SORCS1: variants seen among roughly 807,000 people sequenced by gnomAD.
The protein encoded by SORCS1 is sortilin related VPS10 domain containing receptor 1, also known as VPS10 domain-containing receptor SorCS1.
SORCS1 carries 60 observed loss-of-function variants against 146.1 expected under a neutral mutation model. That is an observed-to-expected ratio of 0.41 (90% CI 0.33 to 0.51). The LOEUF is 0.51. SORCS1 is among the 20% of genes least tolerant of loss of function. The probability of loss-of-function intolerance (pLI) is 0.21; values close to 1 mark genes in which losing one functional copy is unlikely to be tolerated. For synonymous variants in SORCS1, 637 were observed against 584.0 expected, an observed-to-expected ratio of 1.09 and a Z score of -1.31; for missense variants, 1,352 against 1,487.6, an observed-to-expected ratio of 0.91 and a Z score of 1.50.
intron 4 of SORCS1, among the ~76,000 whole-genome samples, chr10:106,762,994 C>CT (rs1396859317): frequency 6.6e-6 from 1 of 152,048 alleles, no homozygotes; most frequent in Non-Finnish European, 1.5e-5. Context: ...CCTTTGTCTT[C>CT]TTTTTTTTAA....
chr10:107,138,698 T>C (rs2134696769), intron 1 of SORCS1, among the ~76,000 whole-genome samples: 1 of 152,324 alleles, frequency 6.6e-6, no homozygotes, highest in African/African-American at 2.4e-5. Context: ...ATAAGTGCAC[T>C]TCATGTGTAG....
intron 18 of SORCS1, among the ~76,000 whole-genome samples, chr10:106,633,711 A>T (rs1848568010): frequency 1.3e-5 from 2 of 152,332 alleles, no homozygotes; most frequent in South Asian, 4.1e-4. Flanking sequence ...AGAAAATTAT[A>T]TGCACCTTTC....
In SORCS1 at chr10:106,577,284, T is replaced by G. The variant is rs774436050; in HGVS notation, c.*136A>C. On this transcript the variant is annotated 3_prime_UTR_variant, in exon 26 of 26. Transcript: ENST00000263054. ...GATTCTCAGCAACTATGGAAATACT[T>G]CCTGGCAAAATAGGAAACAGAACAA... 5 of 1,607,548 alleles carry G rather than the reference T, an allele frequency of 3.1e-6. No individual in the cohort carries two copies. The highest frequency in any genetic ancestry group is 4.3e-6 in the Non-Finnish European group (5 of 1,176,380).
At chr10:107,081,838 G>C (rs960200355) in intron 1 of SORCS1, among the ~76,000 whole-genome samples, 4 of 152,182 alleles carry the variant, frequency 2.6e-5, no homozygotes, top group African/African-American at 9.7e-5. Context: ...GAAAACCACA[G>C]AGAAGAATTC....
At position 106,791,632 on chromosome 10, in the gene SORCS1, T is replaced by C. The variant is rs183952715; in HGVS notation, c.727-14940A>G. 4.3e-3 allele frequency among the ~76,000 whole-genome samples: 647 copies of C among 152,108 alleles called. 4 individuals are homozygous for C. Among genetic ancestry groups the C allele is most frequent in the African/African-American group, 0.015 (612 of 41,524 alleles). On this transcript the variant is annotated intron_variant, in intron 3 of 25. Coordinates refer to ENST00000263054, the MANE Select transcript of SORCS1 (RefSeq NM_052918.5). ...GAGAATCGCTTGAACCCAGGAGGCA[T>C]AGGTTGCAGTGAGCTGAGATCGGGC...
chr10:106,654,369 A>C (rs971760925), intron 17 of SORCS1, among the ~76,000 whole-genome samples: 1 of 152,198 alleles, frequency 6.6e-6, no homozygotes, highest in Non-Finnish European at 1.5e-5. Flanking sequence ...GACCTAGACA[A>C]TTTGTCTCTA....
intron 1 of SORCS1, among the ~76,000 whole-genome samples, chr10:107,053,862 C>T (rs77932090): frequency 1.1e-3 from 170 of 152,248 alleles, no homozygotes; most frequent in African/African-American, 4.0e-3. Context: ...TTCTGAAATG[C>T]ACATGCCTGT....
intron 25 of SORCS1, 110 bp from the exon 26 acceptor site, chr10:106,577,665 T>G: frequency 1.3e-6 from 2 of 1,521,600 alleles, no homozygotes; most frequent in East Asian, 2.3e-5. Flanking sequence ...GAATTACTAC[T>G]TTAATAAAGC....
At chr10:107,165,257 G>A (rs1970012584), upstream of SORCS1, among the ~76,000 whole-genome samples, 1 of 150,338 alleles carries the variant, frequency 6.7e-6, no homozygotes, top group Non-Finnish European at 1.5e-5. This position sits in a 1 kb window ranked among gnomAD's most constrained non-coding sequence, Gnocchi z 4.0. Flanking sequence ...AAAGGCAGCA[G>A]CAGAGAGTGA....
chr10:106,599,582 C>T (rs1202314934), intron 23 of SORCS1, among the ~76,000 whole-genome samples: 1 of 152,062 alleles, frequency 6.6e-6, no homozygotes, highest in African/African-American at 2.4e-5. Context: ...TACATGCACA[C>T]ACACAGATAC....
chr10:106,703,036 G>A (rs576104779), intron 8 of SORCS1, among the ~76,000 whole-genome samples: 48 of 152,126 alleles, frequency 3.2e-4, no homozygotes, highest in African/African-American at 1.1e-3. Context: ...TACTCTCTAG[G>A]CAAGAAACAC....
intron 24 of SORCS1, among the ~76,000 whole-genome samples, chr10:106,588,678 G>A (rs1180293948): frequency 1.3e-5 from 2 of 151,522 alleles, no homozygotes; most frequent in Admixed American, 6.6e-5. Context: ...TGGCCAACAC[G>A]GTGAAACCCC....
At chr10:106,988,032 T>G (rs575409253) in intron 1 of SORCS1, among the ~76,000 whole-genome samples, 9 of 152,318 alleles carry the variant, frequency 5.9e-5, no homozygotes, top group Admixed American at 1.3e-4. Context: ...TCTTCCTCTC[T>G]CTCACTATAT....
At chr10:106,639,707 T>G (rs924541276) in intron 18 of SORCS1, among the ~76,000 whole-genome samples, 74 of 152,128 alleles carry the variant, frequency 4.9e-4, no homozygotes, top group African/African-American at 1.7e-3. Flanking sequence ...CTAAGGCTCA[T>G]CGAAATCAGC....
chr10:106,812,441 C>A, intron 3 of SORCS1, among the ~76,000 whole-genome samples: 1 of 152,186 alleles, frequency 6.6e-6, no homozygotes, highest in East Asian at 1.9e-4. Flanking sequence ...TCTATTTCTT[C>A]TTTAAAACGT....
intron 4 of SORCS1, among the ~76,000 whole-genome samples, chr10:106,765,315 G>A (rs1859481531): frequency 6.6e-6 from 1 of 151,524 alleles, no homozygotes; most frequent in Non-Finnish European, 1.5e-5. Context: ...CTGTCATTAT[G>A]CTACTCTGGG....
intron 18 of SORCS1, among the ~76,000 whole-genome samples, chr10:106,635,273 A>G (rs1848663849): frequency 6.6e-6 from 1 of 152,216 alleles, no homozygotes; most frequent in Non-Finnish European, 1.5e-5. Flanking sequence ...GCAGATAGAC[A>G]CCAGGCTCGT....
At chr10:106,712,385 C>G (rs1348567800) in intron 6 of SORCS1, among the ~76,000 whole-genome samples, 1 of 152,054 alleles carries the variant, frequency 6.6e-6, no homozygotes, top group Non-Finnish European at 1.5e-5. Context: ...CTTGATGATA[C>G]CTGGGAGGCC....
At chr10:106,666,551 TCTC>T (rs1353444666) in intron 17 of SORCS1, among the ~76,000 whole-genome samples, 4 of 145,520 alleles carry the variant, frequency 2.7e-5, no homozygotes, top group East Asian at 2.0e-4. Context: ...AATAAATCTC[TCTC>T]TTTTTTTTTT....
Sources: allele counts gnomAD v4.1 joint callset (sites outside exome capture counted in the v4.1 genomes callset), GRCh38; gene constraint gnomAD v4.1.1; non-coding constraint Gnocchi (gnomAD v3.1); transcripts MANE v1.5; gene names NCBI Gene and HGNC (gene_info 2026-07-23, HGNC 2026-07-21).